CD72: variants seen among roughly 807,000 people sequenced by gnomAD.
CD72 encodes the protein B-cell differentiation antigen CD72.
A neutral mutation model predicts 50.7 loss-of-function variants in CD72; 28 were observed. That is an observed-to-expected ratio of 0.55 (90% CI 0.41 to 0.76). The LOEUF (loss-of-function observed/expected upper bound fraction) is 0.76. Ranked by LOEUF, CD72 falls within the 30% of genes least tolerant of loss-of-function variation. The pLI is 0.00. For missense variants in CD72, 403 were observed against 420.6 expected, an observed-to-expected ratio of 0.96 and a Z score of 0.37; for synonymous variants, 176 against 171.2, an observed-to-expected ratio of 1.03 and a Z score of -0.22.
chr9:35,635,049 G>T (rs1402877242), intron 1 of CD72, among the ~76,000 whole-genome samples: 1 of 152,172 alleles, frequency 6.6e-6, no homozygotes, highest in African/African-American at 2.4e-5. Context: ...GGTATAGGTT[G>T]CAGGCCTTTT....
chr9:35,630,451 C>G (rs1001103118), intron 1 of CD72, among the ~76,000 whole-genome samples: 4 of 152,124 alleles, frequency 2.6e-5, no homozygotes, highest in Non-Finnish European at 4.4e-5. Flanking sequence ...GAATTATACA[C>G]TTTAATTTTT....
In CD72 at chr9:35,610,692, C is replaced by G. The variant is rs745907148; in HGVS notation, c.1012G>C (p.Glu338Gln). ...VHKTWSWWTL[E>Q]SESCRSSLPY... Reference sequence around the variant, plus strand: ...AGAGAACTTCTACATGACTCTGACTCCAGTGTCCACCATGACCAAGTTTTA... The same window carrying G: ...AGAGAACTTCTACATGACTCTGACTGCAGTGTCCACCATGACCAAGTTTTA... The change falls in exon 8 of 9, where the codon GAG (glutamate) becomes CAG (glutamine). Residue 338 changes from glutamate (E) to glutamine (Q), a missense_variant. Transcript: ENST00000259633. 2 of 1,610,036 alleles carry G rather than the reference C, an allele frequency of 1.2e-6. No individual in the cohort carries two copies. Among genetic ancestry groups the G allele is most frequent in the East Asian group, 2.2e-5 (1 of 44,880 alleles).
chr9:35,627,589 G>A (rs1162517380), intron 1 of CD72, among the ~76,000 whole-genome samples: 1 of 152,118 alleles, frequency 6.6e-6, no homozygotes, highest in African/African-American at 2.4e-5. Context: ...GATATATTGG[G>A]CAACTTTAAC....
chr9:35,635,178 A>G (rs977684225), intron 1 of CD72, among the ~76,000 whole-genome samples: 1 of 152,046 alleles, frequency 6.6e-6, no homozygotes, highest in Non-Finnish European at 1.5e-5. Context: ...AGAGTTTTGG[A>G]ATTTTTGCCT....
chr9:35,621,078 A>G (rs148209903), upstream of CD72, among the ~76,000 whole-genome samples: 3 of 152,250 alleles, frequency 2.0e-5, no homozygotes, highest in East Asian at 5.8e-4. Context: ...TGACATTCAC[A>G]TTACATTTAG....
At chr9:35,618,796 G>C (rs1051102330), upstream of CD72, 2 of 1,286,632 alleles carry the variant, frequency 1.6e-6, no homozygotes, top group Non-Finnish European at 2.0e-6. Flanking sequence ...TGAGACTGGG[G>C]GTTCCTGGTT....
intron 1 of CD72, among the ~76,000 whole-genome samples, chr9:35,645,386 G>A (rs1029835461): frequency 2.6e-5 from 4 of 151,778 alleles, no homozygotes; most frequent in Non-Finnish European, 4.4e-5. Context: ...GTTGGAGACC[G>A]GCCTGGCCAA....
At position 35,610,601 on chromosome 9, in the gene CD72, C is replaced by A. The variant is rs1258481848; in HGVS notation, c.*22+1G>T. On this transcript the variant is annotated splice_donor_variant, in intron 8 of 8. Coordinates refer to ENST00000259633, the MANE Select transcript of CD72 (RefSeq NM_001782.3). LOFTEE classifies it low-confidence loss of function (3UTR_SPLICE). ...GCCTCAGCCCCATCCCTCACTCTTA[C>A]CAACTCAGTGCAAAGGACTGTCCTA... 1.9e-6 allele frequency: 3 copies of A among 1,610,904 alleles called. No individual in the cohort carries two copies. Among genetic ancestry groups the A allele is most frequent in the African/African-American group, 1.3e-5 (1 of 74,864 alleles).
rs1587898481 is a variant in CD72, at chr9:35,610,203, C to T, written c.*120G>A. On this transcript the variant is annotated 3_prime_UTR_variant, in exon 9 of 9. Coordinates refer to ENST00000259633, the MANE Select transcript of CD72 (RefSeq NM_001782.3). Reference sequence around the variant, plus strand: ...GCTGGAAGTGTCAGGTGTGGGTCAGCCGGTGGCTGGGCACTGCCCAGAATG... The same window carrying T: ...GCTGGAAGTGTCAGGTGTGGGTCAGTCGGTGGCTGGGCACTGCCCAGAATG... 5.1e-6 allele frequency: 1 copy of T among 196,238 alleles called. No homozygotes were observed. Among genetic ancestry groups the T allele is most frequent in the South Asian group, 1.3e-4 (1 of 7,652 alleles). 12.2% of individuals were successfully genotyped at this position (196,238 alleles called of 1,614,324 possible). A position where few individuals can be genotyped will look rare whatever the true frequency, so the allele number is the denominator to read the frequency against.
chr9:35,622,303 A>G (rs1328388915), upstream of CD72, among the ~76,000 whole-genome samples: 1 of 152,212 alleles, frequency 6.6e-6, no homozygotes, highest in Non-Finnish European at 1.5e-5. Flanking sequence ...CACTGAAGCC[A>G]AAGAGTACAG....
chr9:35,618,644 A>C, upstream of CD72: 1 of 646,374 alleles, frequency 1.5e-6, no homozygotes, highest in Non-Finnish European at 2.4e-6. Context: ...CTGGGCCCCA[A>C]ACTCGGTCCT....
intron 5 of CD72, among the ~76,000 whole-genome samples, chr9:35,613,930 AG>A (rs980053351): frequency 5.3e-5 from 8 of 152,124 alleles, no homozygotes; most frequent in South Asian, 4.2e-4. Context: ...GCTTGAATCC[AG>A]GAGGCAGAGG....
chr9:35,636,637 T>C (rs961013148), intron 1 of CD72, among the ~76,000 whole-genome samples: 6 of 152,244 alleles, frequency 3.9e-5, no homozygotes, highest in Admixed American at 1.3e-4. Context: ...AAAGACCCTC[T>C]TCACCTATAA....
intron 1 of CD72, among the ~76,000 whole-genome samples, chr9:35,639,093 T>C (rs1195314899): frequency 6.6e-6 from 1 of 151,798 alleles, no homozygotes; most frequent in Non-Finnish European, 1.5e-5. Context: ...TTTGACACAT[T>C]ATTTCAAAAG....
At chr9:35,614,030 A>T (rs1450011718) in intron 5 of CD72, among the ~76,000 whole-genome samples, 1 of 152,136 alleles carries the variant, frequency 6.6e-6, no homozygotes, top group Non-Finnish European at 1.5e-5. Flanking sequence ...AAAAAAAAAA[A>T]AAAGAAATCT....
intron 1 of CD72, among the ~76,000 whole-genome samples, chr9:35,628,203 A>G (rs1442649127): frequency 1.3e-5 from 2 of 152,146 alleles, no homozygotes; most frequent in Non-Finnish European, 2.9e-5. Context: ...CCTGGGCTCC[A>G]GCAATCCTCC....
At position 35,628,419 on chromosome 9, in the gene CD72, C is replaced by T. The variant is rs570425508; in HGVS notation, n.409-10298G>A. On this transcript the variant is annotated intron_variant and non_coding_transcript_variant, in intron 1 of 3. Transcript: ENST00000465754. ...CATCCTGGCTAACATGGTGAAACCC[C>T]ATCTCTACTAAAAATACAAAAAAAT... 9.2e-4 allele frequency among the ~76,000 whole-genome samples: 140 copies of T among 152,344 alleles called. 2 individuals carry two copies. The highest frequency in any genetic ancestry group is 3.4e-3 in the Middle Eastern group (1 of 294).
At chr9:35,631,834 G>T (rs1823248849) in intron 1 of CD72, among the ~76,000 whole-genome samples, 1 of 152,120 alleles carries the variant, frequency 6.6e-6, no homozygotes, top group Non-Finnish European at 1.5e-5. Context: ...AGCTTGCAGT[G>T]AGCCGAGATC....
At chr9:35,644,436 A>T (rs1025346025) in intron 1 of CD72, among the ~76,000 whole-genome samples, 3 of 151,546 alleles carry the variant, frequency 2.0e-5, no homozygotes, top group Non-Finnish European at 4.4e-5. Context: ...ACCAGTATCG[A>T]CAGAACCAGT....
Sources: allele counts gnomAD v4.1 joint callset (sites outside exome capture counted in the v4.1 genomes callset), GRCh38; gene constraint gnomAD v4.1.1; transcripts MANE v1.5; gene names NCBI Gene and HGNC (gene_info 2026-07-23, HGNC 2026-07-21).